The following CUX2 variants were observed in gnomAD, a reference collection of about 807,000 sequenced individuals.
CUX2 encodes the protein homeobox protein cut-like 2.
CUX2 carries 40 observed loss-of-function variants against 144.8 expected under a neutral mutation model. That is an observed-to-expected ratio of 0.28 (90% CI 0.21 to 0.36). The LOEUF is 0.36. CUX2 is among the 10% of genes least tolerant of loss of function. The pLI is 1.00. For missense variants in CUX2, 1,615 were observed against 1,994.0 expected (o/e 0.81, Z 3.62); for synonymous variants, 827 against 875.6 (o/e 0.94, Z 0.98).
At chr12:111,290,093 C>T (rs1488496375) in intron 4 of CUX2, among the ~76,000 whole-genome samples, 1 of 152,162 alleles carries the variant, frequency 6.6e-6, no homozygotes, top group East Asian at 1.9e-4. Flanking sequence ...CAGTGCCCCT[C>T]GCTGTAGTTG....
At chr12:111,251,507 G>C (rs1167688263) in intron 3 of CUX2, among the ~76,000 whole-genome samples, 1 of 152,148 alleles carries the variant, frequency 6.6e-6, no homozygotes, top group Non-Finnish European at 1.5e-5. Flanking sequence ...ATTGCTTGTG[G>C]GACATTTCAT....
At chr12:111,324,838 T>C (rs1279067462) in intron 18 of CUX2, among the ~76,000 whole-genome samples, 1 of 152,054 alleles carries the variant, frequency 6.6e-6, no homozygotes, top group Non-Finnish European at 1.5e-5. Flanking sequence ...AGATTGGAAG[T>C]GACGGGGGTG....
chr12:111,326,801 G>A (rs1461542738), intron 18 of CUX2, among the ~76,000 whole-genome samples: 1 of 152,118 alleles, frequency 6.6e-6, no homozygotes, highest in Non-Finnish European at 1.5e-5. Flanking sequence ...CTACTCGGGA[G>A]GCTAAGGCGA....
intron 1 of CUX2, among the ~76,000 whole-genome samples, chr12:111,124,819 C>G (rs1370290527): frequency 6.6e-6 from 1 of 152,164 alleles, no homozygotes; most frequent in Admixed American, 6.5e-5. Flanking sequence ...GGGGTCCCCA[C>G]TGTCTATTGT....
intron 4 of CUX2, among the ~76,000 whole-genome samples, chr12:111,283,624 T>G (rs1885237701): frequency 6.6e-6 from 1 of 152,174 alleles, no homozygotes; most frequent in Non-Finnish European, 1.5e-5. Context: ...GGACGCTAAG[T>G]GACTTTCCCT....
intron 3 of CUX2, among the ~76,000 whole-genome samples, chr12:111,232,824 A>G (rs1049157891): frequency 6.6e-6 from 1 of 152,224 alleles, no homozygotes; most frequent in African/African-American, 2.4e-5. Flanking sequence ...ATATTTACAG[A>G]GCACCTACTG....
intron 1 of CUX2, among the ~76,000 whole-genome samples, chr12:111,161,949 T>C (rs1877799301): frequency 6.6e-6 from 1 of 152,186 alleles, no homozygotes; most frequent in African/African-American, 2.4e-5. Flanking sequence ...TTGCCCAATG[T>C]GGTCTCGAAC....
At position 111,157,697 on chromosome 12, in the gene CUX2, G is replaced by C. The variant is rs532376735; in HGVS notation, c.64-56503G>C. On this transcript the variant is annotated intron_variant, in intron 1 of 21. Coordinates refer to ENST00000261726, the MANE Select transcript of CUX2 (RefSeq NM_015267.4). ...TGATCCATTAGTAATGTCTACCATG[G>C]ACACGGGAGGTGGCAGTGAGCATGC... is the stretch of plus-strand genomic sequence containing the variant. Among the ~76,000 whole-genome samples the C allele has an allele frequency of 2.0e-5, 3 of 152,302 alleles. 1 individual carries two copies. In the South Asian group the frequency reaches 6.2e-4, roughly 32 times the overall value.
At chr12:111,222,705 T>C (rs1366960066) in intron 3 of CUX2, among the ~76,000 whole-genome samples, 1 of 152,110 alleles carries the variant, frequency 6.6e-6, no homozygotes, top group Non-Finnish European at 1.5e-5. Context: ...TAGGATTGCA[T>C]GAGATTCAGT....
At chr12:111,132,823 C>T (rs1314654248) in intron 1 of CUX2, among the ~76,000 whole-genome samples, 7 of 152,214 alleles carry the variant, frequency 4.6e-5, no homozygotes, top group Middle Eastern at 3.4e-3. Context: ...CTGCCTCGGC[C>T]TCCCAAAGTG....
In CUX2 at chr12:111,256,590, G is replaced by C. The variant is rs112896295; in HGVS notation, c.223-7171G>C. 9.9e-3 allele frequency among the ~76,000 whole-genome samples: 1,504 copies of C among 152,212 alleles called. 25 individuals are homozygous for C. Among genetic ancestry groups the C allele is most frequent in the African/African-American group, 0.035 (1,434 of 41,524 alleles). On this transcript the variant is annotated intron_variant, in intron 3 of 21. Transcript: ENST00000261726. The stretch of plus-strand genomic sequence containing the variant: ...TTCCACGGAACCCAGGGAAGGAGTT[G>C]TGCAGTCTCGATGGCAGGTCCCCCT...
intron 1 of CUX2, among the ~76,000 whole-genome samples, chr12:111,060,664 G>A (rs1438426433): frequency 1.3e-5 from 2 of 152,204 alleles, no homozygotes; most frequent in African/African-American, 4.8e-5. Flanking sequence ...AGGAAGCAGG[G>A]GTTCTATCTG....
At chr12:111,090,763 C>T (rs1006082066) in intron 1 of CUX2, among the ~76,000 whole-genome samples, 66 of 152,034 alleles carry the variant, frequency 4.3e-4, no homozygotes, top group Non-Finnish European at 7.4e-5. Flanking sequence ...TCATTTTGTC[C>T]GGTGGTTTTT....
At chr12:111,230,215 C>A (rs982394576) in intron 3 of CUX2, among the ~76,000 whole-genome samples, 1 of 55,876 alleles carries the variant, frequency 1.8e-5, no homozygotes, top group African/African-American at 7.1e-5. Context: ...AGGGGAGGAA[C>A]GGGGAGGGGA....
intron 1 of CUX2, among the ~76,000 whole-genome samples, chr12:111,180,956 G>A (rs536045299): frequency 6.6e-6 from 1 of 152,354 alleles, no homozygotes; most frequent in African/African-American, 2.4e-5. Flanking sequence ...AAGTTACATT[G>A]CCACATAATG....
chr12:111,199,863 CTGTG>C lies in CUX2; in HGVS notation c.64-14333_64-14330del, dbSNP rs564311791. Reference sequence around the variant, plus strand: ...TGTGTCTGTGTGTGCATTTATGTGTCTGTGTGTATTTATGTCTCGTGTGTCTGTG... The same window carrying C: ...TGTGTCTGTGTGTGCATTTATGTGTCTGTATTTATGTCTCGTGTGTCTGTG... On this transcript the variant is annotated intron_variant, in intron 1 of 21. Coordinates refer to ENST00000261726, the MANE Select transcript of CUX2 (RefSeq NM_015267.4). 1.4e-3 allele frequency among the ~76,000 whole-genome samples: 216 copies of C among 151,896 alleles called. 1 individual carries two copies. Among genetic ancestry groups the C allele is most frequent in the Non-Finnish European group, 2.6e-3 (178 of 67,948 alleles).
chr12:111,285,922 C>T (rs745422407), intron 4 of CUX2, among the ~76,000 whole-genome samples: 1 of 152,230 alleles, frequency 6.6e-6, no homozygotes, highest in Non-Finnish European at 1.5e-5. Context: ...CAGCCTGCCA[C>T]CAACTCTCCA....
Position 111,246,141 on chromosome 12 carries a change from G to A in CUX2, c.223-17620G>A, listed in dbSNP as rs183381139. On this transcript the variant is annotated intron_variant, in intron 3 of 21. Coordinates refer to ENST00000261726, the MANE Select transcript of CUX2 (RefSeq NM_015267.4). This position sits in a 1 kb window ranked among gnomAD's most constrained non-coding sequence, Gnocchi z 4.0. ...GGGGCAAGTCTCTTGACTTCTCTGCGCCTCAGTTTCCTCATCTGGAAAGTA... is the reference window on the plus strand; with the variant it reads ...GGGGCAAGTCTCTTGACTTCTCTGCACCTCAGTTTCCTCATCTGGAAAGTA... Among the ~76,000 whole-genome samples, 2 of 152,166 alleles carry A rather than the reference G, an allele frequency of 1.3e-5. No individual in the cohort carries two copies. Among genetic ancestry groups the A allele is most frequent in the East Asian group, 1.9e-4 (1 of 5,180 alleles).
intron 18 of CUX2, among the ~76,000 whole-genome samples, chr12:111,332,729 T>C (rs1888176017): frequency 6.6e-6 from 1 of 152,232 alleles, no homozygotes; most frequent in African/African-American, 2.4e-5. Flanking sequence ...TCGTGCTCTT[T>C]CTCTGCCATT....
Sources: gnomAD v4.1 joint callset for allele counts (sites outside exome capture counted in the v4.1 genomes callset) on GRCh38, gnomAD v4.1.1 for gene constraint, Gnocchi (gnomAD v3.1) non-coding constraint, MANE v1.5 for transcripts, NCBI Gene and HGNC (gene_info 2026-07-23, HGNC 2026-07-21) for gene names.